The following RGS7 variants were observed in gnomAD, a reference collection of about 807,000 sequenced individuals.
RGS7 encodes the protein regulator of G protein signaling 7.
A neutral mutation model predicts 81.1 loss-of-function variants in RGS7; 27 were observed. The ratio of observed to expected loss-of-function variants is 0.33; its 90% CI spans 0.25 to 0.46. The LOEUF is 0.46. RGS7 is among the 20% of genes least tolerant of loss of function. The probability of loss-of-function intolerance (pLI) is 1.00; values close to 1 mark genes in which losing one functional copy is unlikely to be tolerated. For synonymous variants in RGS7, 208 were observed against 207.7 expected (o/e 1.00, Z -0.01); for missense variants, 396 against 607.4 (o/e 0.65, Z 3.66).
chr1:240,921,807 T>A (rs1213112220), intron 6 of RGS7, among the ~76,000 whole-genome samples: 1 of 152,092 alleles, frequency 6.6e-6, no homozygotes, highest in African/African-American at 2.4e-5. Flanking sequence ...GACTCAATAT[T>A]ATTAAGATGT....
At chr1:240,815,443 T>A (rs907684345) in intron 11 of RGS7, among the ~76,000 whole-genome samples, 4 of 152,196 alleles carry the variant, frequency 2.6e-5, no homozygotes, top group Non-Finnish European at 5.9e-5. Flanking sequence ...AATAAATGTA[T>A]TTATTACTAT....
intron 3 of RGS7, among the ~76,000 whole-genome samples, chr1:241,089,867 G>A (rs1485657401): frequency 6.6e-6 from 1 of 151,784 alleles, no homozygotes; most frequent in Non-Finnish European, 1.5e-5. Flanking sequence ...TTAGCCGGGC[G>A]CCTGTAGTCC....
chr1:241,129,151 A>G (rs1467846617), intron 2 of RGS7, among the ~76,000 whole-genome samples: 6 of 152,104 alleles, frequency 3.9e-5, no homozygotes, highest in Non-Finnish European at 1.5e-5. Context: ...CTCAGCCTCC[A>G]TGCTATAAGT....
At chr1:240,902,767 G>A (rs1052559047) in intron 6 of RGS7, among the ~76,000 whole-genome samples, 11 of 152,064 alleles carry the variant, frequency 7.2e-5, no homozygotes, top group Non-Finnish European at 1.6e-4. Flanking sequence ...ATGACAGAAC[G>A]TTATGCAACT....
At chr1:241,123,842 T>C (rs1293540989) in intron 2 of RGS7, among the ~76,000 whole-genome samples, 1 of 152,216 alleles carries the variant, frequency 6.6e-6, no homozygotes, top group East Asian at 1.9e-4. Context: ...CAGACCTATG[T>C]CCTAGTCATG....
chr1:240,992,724 T>G (rs995944859), intron 3 of RGS7, among the ~76,000 whole-genome samples: 1 of 151,894 alleles, frequency 6.6e-6, no homozygotes, highest in Non-Finnish European at 1.5e-5. Flanking sequence ...TTTGGGGTTC[T>G]ATTTAAAATG....
intron 9 of RGS7, among the ~76,000 whole-genome samples, chr1:240,856,812 A>G (rs973929977): frequency 1.3e-5 from 2 of 152,176 alleles, no homozygotes; most frequent in Admixed American, 1.3e-4. Context: ...TAAGGAGAAA[A>G]ATATTTCTCT....
chr1:241,244,996 T>C (rs1402718892), intron 2 of RGS7, among the ~76,000 whole-genome samples: 2 of 148,496 alleles, frequency 1.3e-5, no homozygotes, highest in African/African-American at 2.5e-5. Context: ...TTAGGAGATA[T>C]ACCTAATGTT....
intron 9 of RGS7, among the ~76,000 whole-genome samples, chr1:240,845,074 A>C (rs1658820918): frequency 1.3e-5 from 2 of 152,246 alleles, no homozygotes; most frequent in Admixed American, 1.3e-4. Context: ...CCAGATGAGC[A>C]CATGAAATTA....
intron 2 of RGS7, among the ~76,000 whole-genome samples, chr1:241,244,859 A>T (rs1233201429): frequency 6.6e-6 from 1 of 151,782 alleles, no homozygotes; most frequent in Non-Finnish European, 1.5e-5. Flanking sequence ...CGCAAGGACA[A>T]AAAAACCAAG....
chr1:241,345,486 A>G (rs2082836591), intron 2 of RGS7, among the ~76,000 whole-genome samples: 1 of 152,214 alleles, frequency 6.6e-6, no homozygotes, highest in South Asian at 2.1e-4. Context: ...TTCCCTGAGA[A>G]GAGTTTTTAT....
chr1:241,089,063 CTATATATATATATATA>C (rs1161090389), intron 3 of RGS7, among the ~76,000 whole-genome samples: 9 of 23,684 alleles, frequency 3.8e-4, no homozygotes, highest in African/African-American at 1.6e-3. Flanking sequence ...CTCTCTCTCT[CTATATATATATATATA>C]TATATATATA....
chr1:241,073,963 C>T (rs935828626), intron 3 of RGS7, among the ~76,000 whole-genome samples: 3 of 151,510 alleles, frequency 2.0e-5, no homozygotes, highest in Non-Finnish European at 2.9e-5. Context: ...TGCAGTGGCA[C>T]GATCTCAGCT....
chr1:240,956,179 C>G (rs1558520964), intron 4 of RGS7, among the ~76,000 whole-genome samples: 1 of 152,132 alleles, frequency 6.6e-6, no homozygotes, highest in Non-Finnish European at 1.5e-5. Flanking sequence ...CACTCTCTAC[C>G]TTTGGCTCCC....
chr1:241,344,629 G>A (rs1341989595), intron 2 of RGS7, among the ~76,000 whole-genome samples: 2 of 152,216 alleles, frequency 1.3e-5, no homozygotes, highest in Non-Finnish European at 2.9e-5. Context: ...AATTACGAGG[G>A]TATTTTTTTC....
chr1:240,842,854 G>T (rs1194286612), intron 9 of RGS7, among the ~76,000 whole-genome samples: 1 of 150,992 alleles, frequency 6.6e-6, no homozygotes, highest in East Asian at 2.0e-4. Context: ...TCTCATAAGG[G>T]GTAACTGCTA....
intron 3 of RGS7, among the ~76,000 whole-genome samples, chr1:240,989,570 C>G (rs1015635061): frequency 6.6e-6 from 1 of 152,038 alleles, no homozygotes. Flanking sequence ...TTCCTAAAAC[C>G]CTATTACTGA....
intron 2 of RGS7, among the ~76,000 whole-genome samples, chr1:241,138,096 C>T (rs112262589): frequency 0.11 from 16,419 of 149,516 alleles, 1,110 homozygotes; most frequent in Middle Eastern, 0.18. Flanking sequence ...CACTTGAACC[C>T]GGGAGGTGGA....
chr1:240,992,510 TAAACAA>T (rs549413469), intron 3 of RGS7, among the ~76,000 whole-genome samples: 3 of 151,710 alleles, frequency 2.0e-5, no homozygotes, highest in Non-Finnish European at 2.9e-5. Flanking sequence ...TCTCACAAAA[TAAACAA>T]AAACAAAAAC....
Sources: gnomAD v4.1 joint callset for allele counts (sites outside exome capture counted in the v4.1 genomes callset) on GRCh38, gnomAD v4.1.1 for gene constraint, MANE v1.5 for transcripts, NCBI Gene and HGNC (gene_info 2026-07-23, HGNC 2026-07-21) for gene names.